Variants in ENTR1 observed in about 807,000 individuals in gnomAD.
ENTR1 encodes the protein endosome-associated-trafficking regulator 1.
In ENTR1, 47 loss-of-function variants were observed where a neutral mutation model predicts 47.9. That is an observed-to-expected ratio of 0.98 (90% CI 0.78 to 1.25). ENTR1 has a LOEUF of 1.25. ENTR1 is among the 50% of genes most tolerant of loss of function. The pLI, the probability that ENTR1 is intolerant of heterozygous loss-of-function variation, is 0.00. For synonymous variants in ENTR1, 290 were observed against 245.8 expected (o/e 1.18, Z -1.68); for missense variants, 668 against 570.5 (o/e 1.17, Z -1.74).
intron 5 of ENTR1, among the ~76,000 whole-genome samples, chr9:136,406,542 C>T (rs1834772879): frequency 6.6e-6 from 1 of 151,922 alleles, no homozygotes; most frequent in Admixed American, 6.6e-5. Flanking sequence ...AGTGGCGTGA[C>T]CTCGGCTCAC....
chr9:136,403,985 G>T, intron 9 of ENTR1, 70 bp downstream of exon 9: 1 of 1,490,444 alleles, frequency 6.7e-7, no homozygotes, highest in Non-Finnish European at 9.0e-7. Context: ...CCCCCACCCA[G>T]GATCACTGAC....
rs145717745 is a variant in ENTR1, at chr9:136,405,614, C to T, written c.893+291G>A. Among the ~76,000 whole-genome samples the T allele has an allele frequency of 7.5e-3, 1,135 of 152,278 alleles. 17 individuals carry two copies. Among genetic ancestry groups the T allele is most frequent in the Non-Finnish European group, 6.9e-3 (470 of 68,018 alleles). Reference sequence around the variant, plus strand: ...AAAATTAGCCAGGTGCAGTGGCAAACGCCTGTGGTCCCAGCTACTCAGGAG... The same window carrying T: ...AAAATTAGCCAGGTGCAGTGGCAAATGCCTGTGGTCCCAGCTACTCAGGAG... On this transcript the variant is annotated intron_variant, in intron 6 of 9. Coordinates refer to ENST00000357365, the MANE Select transcript of ENTR1 (RefSeq NM_001039707.2).
intron 2 of ENTR1, chr9:136,409,770 G>C (rs983643794): frequency 4.5e-6 from 2 of 448,398 alleles, no homozygotes; most frequent in Non-Finnish European, 8.6e-6. Context: ...GAGGCAGATG[G>C]AATGCTCCAG....
At position 136,407,848 on chromosome 9, in the gene ENTR1, G is replaced by A. The variant is rs770722306; in HGVS notation, c.380C>T (p.Pro127Leu). The change falls in exon 4 of 10, where the codon CCG (proline) becomes CTG (leucine). Residue 127 changes from proline to leucine, a missense_variant. Pro to Leu is a moderately conservative substitution (Grantham distance 98). Coordinates refer to ENST00000357365, the MANE Select transcript of ENTR1 (RefSeq NM_001039707.2). ...TACCTTTGCATAAATTCTGCTGGCC[G>A]GATCCTCTTTCGAGAGGCCGAGGTT... is the stretch of plus-strand genomic sequence containing the variant. ...TKNLGLSKED[P>L]ASRIYAKEAS... 2.2e-5 allele frequency: 35 copies of A among 1,612,106 alleles called. No homozygotes were observed. Among genetic ancestry groups the A allele is most frequent in the East Asian group, 6.7e-5 (3 of 44,860 alleles).
intron 9 of ENTR1, among the ~76,000 whole-genome samples, chr9:136,403,230 G>A (rs908555444): frequency 6.8e-5 from 10 of 147,014 alleles, no homozygotes; most frequent in Non-Finnish European, 1.1e-4. Flanking sequence ...GGGTTCTGGC[G>A]GGGAGAAAGG....
Position 136,407,610 on chromosome 9 carries a change from G to A in ENTR1, c.403-49C>T, listed in dbSNP as rs372567013. 2.0e-4 allele frequency: 296 copies of A among 1,502,660 alleles called. 3 individuals carry two copies. The African/African-American group carries it at 3.5e-3, about 18-fold the overall frequency. 93.1% of individuals were successfully genotyped at this position (1,502,660 alleles called of 1,614,324 possible). ...ACAATGGAGGCCATGCTTCTGACTCGGAGCGCATCTTCCTTTCTGTGTTCT... is the reference window on the plus strand; with the variant it reads ...ACAATGGAGGCCATGCTTCTGACTCAGAGCGCATCTTCCTTTCTGTGTTCT... On this transcript the variant is annotated intron_variant, in intron 4 of 9. Transcript: ENST00000357365.
At chr9:136,403,410 GTTT>G (rs1834600410) in intron 9 of ENTR1, among the ~76,000 whole-genome samples, 1 of 91,074 alleles carries the variant, frequency 1.1e-5, no homozygotes, top group Non-Finnish European at 2.5e-5. Context: ...AAGGGGTGGG[GTTT>G]GCCGGGGAAG....
chr9:136,410,576 G>T lies in ENTR1; in HGVS notation c.-179C>A. The T allele has an allele frequency of 8.4e-7, 1 of 1,187,704 alleles. No individual in the cohort carries two copies. The highest frequency in any genetic ancestry group is 1.1e-6 in the Non-Finnish European group (1 of 939,820). 73.6% of individuals were successfully genotyped at this position (1,187,704 alleles called of 1,614,324 possible). On this transcript the variant is annotated 5_prime_UTR_variant, in exon 1 of 10. Coordinates refer to ENST00000357365, the MANE Select transcript of ENTR1 (RefSeq NM_001039707.2). Reference sequence around the variant, plus strand: ...GCTGCTTCCGCTCCGAGCACCGAAAGCGCGTGCCTGAACGCCTTGGGCCGT... The same window carrying T: ...GCTGCTTCCGCTCCGAGCACCGAAATCGCGTGCCTGAACGCCTTGGGCCGT...
At chr9:136,403,982 C>G in intron 9 of ENTR1, 73 bp downstream of exon 9, 1 of 1,487,798 alleles carries the variant, frequency 6.7e-7, no homozygotes, top group East Asian at 2.4e-5. Context: ...GGGCCCCCAC[C>G]CAGGATCACT....
rs771482555 is a variant in ENTR1, at chr9:136,407,325, G to A, written c.639C>T (p.Ser213=). Reference sequence around the variant, plus strand: ...CCAGCTCCGACGGGGTGGAGAAAAAGGAAAGGTATGTGCTGCAGGGCGACG... The same window carrying A: ...CCAGCTCCGACGGGGTGGAGAAAAAAGAAAGGTATGTGCTGCAGGGCGACG... ...AGTSPCSTYL[S]FFSTPSELAG... is the part of the protein sequence containing the mutation. The change falls in exon 5 of 10, where the codon TCC becomes TCT. Residue 213 remains serine, a synonymous_variant. Transcript: ENST00000357365. The A allele has an allele frequency of 6.8e-6, 11 of 1,610,590 alleles. No homozygotes were observed. The highest frequency in any genetic ancestry group is 8.5e-6 in the Non-Finnish European group (10 of 1,179,168).
rs1271515324 is a variant in ENTR1, at chr9:136,402,278, G to A, written c.*510C>T. On this transcript the variant is annotated 3_prime_UTR_variant, in exon 10 of 10. Transcript: ENST00000357365. ...GGTGGCCCCTGCGCACTCAGGCCAT[G>A]ACTGCAGGGACCACCCACTGGGGCC... is the stretch of plus-strand genomic sequence containing the variant. The A allele has an allele frequency of 6.5e-6, 1 of 154,412 alleles. No homozygotes were observed. The highest frequency in any genetic ancestry group is 1.4e-5 in the Non-Finnish European group (1 of 69,498). The allele number at this position is 154,412 out of a possible 1,614,324, so 9.6% of individuals were successfully genotyped here. A position where few individuals can be genotyped will look rare whatever the true frequency, so the allele number is the denominator to read the frequency against.
At chr9:136,408,238 C>A (rs567761901) in intron 3 of ENTR1, among the ~76,000 whole-genome samples, 12 of 152,322 alleles carry the variant, frequency 7.9e-5, no homozygotes, top group African/African-American at 2.9e-4. Context: ...CTCCACTGCA[C>A]ACACCCAGCT....
At chr9:136,406,638 A>G (rs1056855265) in intron 5 of ENTR1, among the ~76,000 whole-genome samples, 1 of 151,712 alleles carries the variant, frequency 6.6e-6, no homozygotes, top group Non-Finnish European at 1.5e-5. Context: ...CGCCACGCCC[A>G]GCTAATTTTT....
At chr9:136,409,909 C>A (rs1405524815) in intron 2 of ENTR1, 181 bp downstream of exon 2, 1 of 792,076 alleles carries the variant, frequency 1.3e-6, no homozygotes, top group South Asian at 1.5e-5. Context: ...TGGGGGAGGT[C>A]TCCCCGCAAC....
Position 136,405,955 on chromosome 9 carries a change from C to T in ENTR1, c.843G>A (p.Leu281=), listed in dbSNP as rs901213410. The T allele has an allele frequency of 4.3e-6, 7 of 1,609,532 alleles. No individual in the cohort carries two copies. In the African/African-American group the frequency reaches 5.3e-5, roughly 12 times the overall value. ...TCTGAACCTCATTCAGCTTTCTTCT[C>T]AGCTTAGAATTTTCATCTTTCAGCT... is the stretch of plus-strand genomic sequence containing the variant. ...YDALKDENSK[L]RRKLNEVQSF... The change falls in exon 6 of 10, where the codon CTG becomes CTA. Residue 281 remains leucine, a synonymous_variant. Coordinates refer to ENST00000357365, the MANE Select transcript of ENTR1 (RefSeq NM_001039707.2).
chr9:136,404,651 GT>G lies in ENTR1; in HGVS notation c.1047del (p.Lys349AsnfsTer29), dbSNP rs1834673212. The G allele has an allele frequency of 6.2e-7, 1 of 1,614,082 alleles. No homozygotes were observed. The highest frequency in any genetic ancestry group is 1.7e-5 in the Admixed American group (1 of 60,016). ...ATTACCTGGAGCAAACTGATTTCCT[GT>G]TTTAGTTTCACGACGTGGTTTTCTG... is the stretch of plus-strand genomic sequence containing the variant. ...VKAENHVVKLKQEISLLQAQV... is the reference protein window; with the variant it reads ...VKAENHVVKLXQEISLLQAQV... On this transcript the variant is annotated frameshift_variant, in exon 8 of 10. Transcript: ENST00000357365. LOFTEE classifies it high-confidence loss of function.
Position 136,410,352 on chromosome 9 carries a change from C to T in ENTR1, c.46G>A (p.Ala16Thr). Residue 16 changes from alanine to threonine, a missense_variant, in exon 1 of 10, where the codon GCC becomes ACC. Physicochemically the swap from Ala to Thr is moderately conservative, Grantham distance 58. Transcript: ENST00000357365. ...RRPGATPLSR[A>T]RSLAIPDAPA... ...CCGTCGGGAATGGCGAGGCTCCGGGCTCGGGACAGCGGGGTGGCGCCCGGG... is the reference window on the plus strand; with the variant it reads ...CCGTCGGGAATGGCGAGGCTCCGGGTTCGGGACAGCGGGGTGGCGCCCGGG... The T allele has an allele frequency of 6.5e-7, 1 of 1,539,350 alleles. No individual in the cohort carries two copies. The highest frequency in any genetic ancestry group is 1.4e-5 in the African/African-American group (1 of 72,650).
In ENTR1 at chr9:136,404,173, G is replaced by A. The variant is rs201271878; in HGVS notation, c.1090C>T (p.Arg364Ter). 1.7e-5 allele frequency: 27 copies of A among 1,610,030 alleles called. No individual in the cohort carries two copies. Among genetic ancestry groups the A allele is most frequent in the African/African-American group, 5.3e-5 (4 of 74,860 alleles). ...LLQAQVSNFQRENEALRCGQG... is the reference protein window; with the variant it reads ...LLQAQVSNFQ ...CCGCACCGCAGGGCTTCATTCTCTC[G>A]CTGGAAGTTGGAGACCTGCGCCTGG... is the stretch of plus-strand genomic sequence containing the variant. The change falls in exon 9 of 10, where the codon CGA becomes TGA. Residue 364 changes from arginine (R) to a stop codon, truncating the protein, a stop_gained. Transcript: ENST00000357365. LOFTEE classifies it high-confidence loss of function.
intron 5 of ENTR1, 173 bp downstream of exon 5, chr9:136,406,972 C>A: frequency 1.5e-6 from 1 of 648,260 alleles, no homozygotes; most frequent in Non-Finnish European, 2.6e-6. Flanking sequence ...GTTCTATTCC[C>A]ACGTGTAACC....
Sources: gnomAD v4.1 joint callset for allele counts (sites outside exome capture counted in the v4.1 genomes callset) on GRCh38, gnomAD v4.1.1 for gene constraint, MANE v1.5 for transcripts, NCBI Gene and HGNC (gene_info 2026-07-23, HGNC 2026-07-21) for gene names.